ATP2A3: variants seen among roughly 807,000 people sequenced by gnomAD.
ATP2A3 encodes the protein sarcoplasmic/endoplasmic reticulum calcium ATPase 3.
In ATP2A3, 61 loss-of-function variants were observed where a neutral mutation model predicts 106.8. The observed-to-expected ratio is 0.57, with a 90% CI of 0.46 to 0.71. The LOEUF (loss-of-function observed/expected upper bound fraction) is 0.71, where lower values mean the gene tolerates loss of function less well. Ranked by LOEUF, ATP2A3 falls within the 30% of genes least tolerant of loss-of-function variation. The pLI is 0.00. For missense variants in ATP2A3, 1,201 were observed against 1,423.5 expected, an observed-to-expected ratio of 0.84 and a Z score of 2.52; for synonymous variants, 611 against 609.3, an observed-to-expected ratio of 1.00 and a Z score of -0.04.
intron 1 of ATP2A3, among the ~76,000 whole-genome samples, chr17:3,962,040 G>A (rs2055168529): frequency 6.6e-6 from 1 of 152,196 alleles, no homozygotes; most frequent in South Asian, 2.1e-4. Flanking sequence ...GACTTCTAGA[G>A]CCCTGGAATG....
Position 3,928,677 on chromosome 17 carries a change from C to T in ATP2A3, c.2966G>A (p.Arg989Gln), listed in dbSNP as rs930268249. ...LLDEALKYLS[R>Q]NHMHEEMSQK ...CTCCCACTCACCGTGCATGTGGTTC[C>T]GGGACAGGTACTTGAGGGCCTCATC... The change falls in exon 20 of 21, where the codon CGG (arginine) becomes CAG (glutamine). Residue 989 changes from arginine to glutamine, a missense_variant. Transcript: ENST00000397041. The surrounding 1 kb of genome is among the most constrained non-coding windows in gnomAD (Gnocchi z 6.1). 2.6e-6 allele frequency: 4 copies of T among 1,551,026 alleles called. No individual in the cohort carries two copies. The highest frequency in any genetic ancestry group is 2.0e-5 in the Admixed American group (1 of 50,992).
Position 3,928,834 on chromosome 17 carries a change from C to A in ATP2A3, c.2863-54G>T. ...TAAAGGAAGGACTGGCTGTCCCGTG[C>A]CCCAGCCATCTGCTGGCCTTATCCA... On this transcript the variant is annotated intron_variant, in intron 19 of 20. Transcript: ENST00000397041. This position sits in a 1 kb window ranked among gnomAD's most constrained non-coding sequence, Gnocchi z 6.1. 1 of 1,395,096 alleles carries A rather than the reference C, an allele frequency of 7.2e-7. No homozygotes were observed. Among genetic ancestry groups the A allele is most frequent in the Non-Finnish European group, 9.9e-7 (1 of 1,008,806 alleles). The allele number at this position is 1,395,096 out of a possible 1,614,324, so 86.4% of individuals were successfully genotyped here.
In ATP2A3 at chr17:3,925,313, C is replaced by A; in HGVS notation, c.*109G>T. 6.3e-7 allele frequency: 1 copy of A among 1,589,836 alleles called. No individual in the cohort carries two copies. The highest frequency in any genetic ancestry group is 8.6e-7 in the Non-Finnish European group (1 of 1,162,780). Reference sequence around the variant, plus strand: ...CGGGCCTGTCATTTATCCGGCGGGACCCGGTGGGCAAGTGGGCGAGTGTGG... The same window carrying A: ...CGGGCCTGTCATTTATCCGGCGGGAACCGGTGGGCAAGTGGGCGAGTGTGG... On this transcript the variant is annotated 3_prime_UTR_variant, in exon 21 of 21. Coordinates refer to ENST00000397041, the MANE Select transcript of ATP2A3 (RefSeq NM_005173.4). This position sits in a 1 kb window ranked among gnomAD's most constrained non-coding sequence, Gnocchi z 4.2.
rs560860813 is a variant in ATP2A3, at chr17:3,947,516, G to A, written c.970C>T (p.Arg324Trp). Residue 324 changes from arginine to tryptophan, a missense_variant, in exon 8 of 21, where the codon CGG (arginine) becomes TGG (tryptophan). Arg to Trp is a moderately radical substitution (Grantham distance 101). Transcript: ENST00000397041. This position sits in a 1 kb window ranked among gnomAD's most constrained non-coding sequence, Gnocchi z 7.7. ...ATGGCGTTCTTGCGTGCCATGCGCC[G>A]CGTGCCCAGTGCCAGGCATGTAGTG... The part of the protein sequence containing the change: ...VITTCLALGT[R>W]RMARKNAIVR... 25 of 1,613,402 alleles carry A rather than the reference G, an allele frequency of 1.5e-5. No individual in the cohort carries two copies. The highest frequency in any genetic ancestry group is 1.2e-4 in the Admixed American group (7 of 60,026).
chr17:3,941,342 C>A (rs1048950136), intron 13 of ATP2A3, 36 bp from the exon 14 acceptor site: 65 of 1,613,206 alleles, frequency 4.0e-5, no homozygotes, highest in Non-Finnish European at 5.4e-5. Flanking sequence ...GGGGCCTGAG[C>A]CCATCCCTGA....
chr17:3,953,641 G>T lies in ATP2A3; in HGVS notation c.136+52C>A. The T allele has an allele frequency of 6.4e-7, 1 of 1,556,014 alleles. No individual in the cohort carries two copies. The highest frequency in any genetic ancestry group is 1.2e-5 in the South Asian group (1 of 84,552). ...AGGAAGTCATGACCAGACAGAGAAC[G>T]ACCCAGGGATGCTGCCCGCGGCCTA... On this transcript the variant is annotated intron_variant, in intron 2 of 20. Coordinates refer to ENST00000397041, the MANE Select transcript of ATP2A3 (RefSeq NM_005173.4). This position sits in a 1 kb window ranked among gnomAD's most constrained non-coding sequence, Gnocchi z 5.1.
At chr17:3,946,474 G>C (rs1043681019) in intron 8 of ATP2A3, among the ~76,000 whole-genome samples, 2 of 152,068 alleles carry the variant, frequency 1.3e-5, no homozygotes, top group Non-Finnish European at 2.9e-5. Flanking sequence ...AGAATCGCTT[G>C]AACCTGGGAG....
Position 3,947,356 on chromosome 17 carries a change from C to T in ATP2A3, c.1095+35G>A. 1.2e-6 allele frequency: 2 copies of T among 1,612,380 alleles called. No individual in the cohort carries two copies. The highest frequency in any genetic ancestry group is 1.7e-6 in the Non-Finnish European group (2 of 1,179,234). On this transcript the variant is annotated intron_variant, in intron 8 of 20. Coordinates refer to ENST00000397041, the MANE Select transcript of ATP2A3 (RefSeq NM_005173.4). This position sits in a 1 kb window ranked among gnomAD's most constrained non-coding sequence, Gnocchi z 7.7. ...CAGAGAGGGAGCCCAGCCTGCTCTG[C>T]AACGCACAGCAACACCAAGCTGGCC...
intron 16 of ATP2A3, among the ~76,000 whole-genome samples, 153 bp from the exon 17 acceptor site, chr17:3,935,430 G>A (rs985453905): frequency 1.4e-4 from 21 of 152,308 alleles, no homozygotes; most frequent in African/African-American, 4.6e-4. Flanking sequence ...CGATGCCAGT[G>A]GTGGGCCCTG....
intron 17 of ATP2A3, among the ~76,000 whole-genome samples, chr17:3,934,325 C>G (rs753185387): frequency 1.3e-5 from 2 of 151,826 alleles, no homozygotes; most frequent in Non-Finnish European, 2.9e-5. Flanking sequence ...CTGGACTCAA[C>G]TGATCCTCCC....
chr17:3,941,887 C>A (rs1597615949), intron 12 of ATP2A3, among the ~76,000 whole-genome samples: 1 of 152,200 alleles, frequency 6.6e-6, no homozygotes, highest in Non-Finnish European at 1.5e-5. Flanking sequence ...GGGGCAGCCA[C>A]CAACCTAGCG....
At position 3,936,258 on chromosome 17, in the gene ATP2A3, C is replaced by T. The variant is rs181375213; in HGVS notation, c.2524+9G>A. ...TAGGAATTCCACGGAGGGCTCAGGC[C>T]CCACTCACCTCCGATAGCCAGGTAT... On this transcript the variant is annotated intron_variant, in intron 16 of 20. Transcript: ENST00000397041. This position sits in a 1 kb window ranked among gnomAD's most constrained non-coding sequence, Gnocchi z 5.4. 6.2e-7 allele frequency: 1 copy of T among 1,613,680 alleles called. No individual in the cohort carries two copies. Among genetic ancestry groups the T allele is most frequent in the East Asian group, 2.2e-5 (1 of 44,862 alleles).
rs925939650 is a variant in ATP2A3, at chr17:3,928,711, T to G, written c.2932A>C (p.Ile978Leu). ...TACTTGAGGGCCTCATCCAGCAGGA[T>G]GACAGGCAGAGATATCTGGAGCACC... ...VVVLQISLPV[I>L]LLDEALKYLS... Residue 978 changes from isoleucine to leucine, a missense_variant, in exon 20 of 21, where the codon ATC becomes CTC. This residue lies in a region of ATP2A3 where 935 missense variants were observed against 1,176.7 expected (regional missense o/e 0.79). Transcript: ENST00000397041. This position sits in a 1 kb window ranked among gnomAD's most constrained non-coding sequence, Gnocchi z 6.1. 1.0e-5 allele frequency: 16 copies of G among 1,551,466 alleles called. No individual in the cohort carries two copies. The highest frequency in any genetic ancestry group is 1.4e-5 in the Non-Finnish European group (16 of 1,147,208).
At chr17:3,958,701 C>CATAT (rs147879049) in intron 1 of ATP2A3, among the ~76,000 whole-genome samples, 5,216 of 124,990 alleles carry the variant, frequency 0.042, 279 homozygotes, top group Non-Finnish European at 0.064. Flanking sequence ...CCTCCTCATT[C>CATAT]ATATATATAT....
chr17:3,959,879 G>C (rs2055044243), intron 1 of ATP2A3, among the ~76,000 whole-genome samples: 1 of 152,218 alleles, frequency 6.6e-6, no homozygotes. Flanking sequence ...TGAAGGGTTT[G>C]CTCAACATCT....
At chr17:3,951,188 A>C in intron 5 of ATP2A3, 63 bp downstream of exon 5, 4 of 1,179,488 alleles carry the variant, frequency 3.4e-6, no homozygotes, top group Non-Finnish European at 4.3e-6. Context: ...ATAAATAAAT[A>C]AATAAATAAA....
Position 3,944,675 on chromosome 17 carries a change from G to A in ATP2A3, c.1287+29C>T, listed in dbSNP as rs535353871. ...GTCTGTCCTGGTCGCCTGGATACTA[G>A]GGAGGTCATGAAAGGGGGTGAGGCC... On this transcript the variant is annotated intron_variant, in intron 10 of 20. Transcript: ENST00000397041. 4 of 1,604,444 alleles carry A rather than the reference G, an allele frequency of 2.5e-6. No homozygotes were observed. The East Asian group carries it at 8.9e-5, about 36-fold the overall frequency.
chr17:3,964,322 A>C lies in ATP2A3; in HGVS notation c.-31T>G. 8.6e-7 allele frequency: 1 copy of C among 1,162,634 alleles called. No homozygotes were observed. Among genetic ancestry groups the C allele is most frequent in the African/African-American group, 1.7e-5 (1 of 59,846 alleles). The allele number at this position is 1,162,634 out of a possible 1,614,324, so 72.0% of individuals were successfully genotyped here. On this transcript the variant is annotated 5_prime_UTR_variant, in exon 1 of 21. Coordinates refer to ENST00000397041, the MANE Select transcript of ATP2A3 (RefSeq NM_005173.4). The stretch of plus-strand genomic sequence containing the variant: ...CCGCCCGGCCGTCTGCGCCGTCCGC[A>C]CCGTCGAGGCCGCCTCTCCGCCGGG...
At chr17:3,935,096 C>A (rs2053354767) in intron 17 of ATP2A3, 96 bp downstream of exon 17, 1 of 1,298,628 alleles carries the variant, frequency 7.7e-7, no homozygotes, top group African/African-American at 1.5e-5. Context: ...GGGAAGGACA[C>A]TGCAGGCCAC....
Sources: allele counts gnomAD v4.1 joint callset (sites outside exome capture counted in the v4.1 genomes callset), GRCh38; gene constraint gnomAD v4.1.1; regional missense constraint gnomAD v4.1.1; non-coding constraint Gnocchi (gnomAD v3.1); transcripts MANE v1.5; gene names NCBI Gene and HGNC (gene_info 2026-07-23, HGNC 2026-07-21).